LIMS2: variants seen among roughly 807,000 people sequenced by gnomAD.
LIMS2 encodes LIM and senescent cell antigen-like-containing domain protein 2.
LIMS2 carries 30 observed loss-of-function variants against 45.3 expected under a neutral mutation model. The observed-to-expected ratio is 0.66, with a 90% confidence interval of 0.50 to 0.90. LIMS2 has a LOEUF of 0.90. Ranked by LOEUF, LIMS2 falls within the 40% of genes least tolerant of loss-of-function variation. LIMS2 has a pLI of 0.00. For synonymous variants in LIMS2, 173 were observed against 188.0 expected (o/e 0.92, Z 0.65); for missense variants, 485 against 468.7 (o/e 1.03, Z -0.32).
chr2:127,641,824 C>T, intron 6 of LIMS2: 1 of 503,514 alleles, frequency 2.0e-6, no homozygotes, highest in Non-Finnish European at 3.6e-6. Flanking sequence ...GAGAGGTGGG[C>T]ACAGCTACCC....
chr2:127,652,028 A>C (rs1211432780), intron 4 of LIMS2: 1 of 517,014 alleles, frequency 1.9e-6, no homozygotes, highest in Non-Finnish European at 3.5e-6. Context: ...GGAGGCCGGA[A>C]GAACAACCCC....
chr2:127,651,036 G>T (rs761740698), intron 4 of LIMS2: 17 of 1,613,812 alleles, frequency 1.1e-5, no homozygotes, highest in Non-Finnish European at 1.4e-5. Flanking sequence ...GCCATTTGGG[G>T]AAATCGCATG....
At chr2:127,650,999 G>A (rs144128434) in intron 4 of LIMS2, 8 of 1,613,674 alleles carry the variant, frequency 5.0e-6, no homozygotes, top group Non-Finnish European at 5.9e-6. Flanking sequence ...CCACCCGCCT[G>A]GTCTACCACT....
intron 4 of LIMS2, among the ~76,000 whole-genome samples, chr2:127,649,564 C>G (rs984843230): frequency 1.3e-5 from 2 of 152,234 alleles, no homozygotes; most frequent in African/African-American, 4.8e-5. Flanking sequence ...GGGCTGCGGG[C>G]TGCTCTGGCC....
intron 4 of LIMS2, among the ~76,000 whole-genome samples, chr2:127,648,963 AGGG>A (rs1216405916): frequency 3.2e-4 from 4 of 12,514 alleles, no homozygotes; most frequent in Non-Finnish European, 4.3e-4. Context: ...AGGGGAGGGG[AGGG>A]GGGGAGGGGA....
chr2:127,665,317 T>A (rs10188441), intron 1 of LIMS2, among the ~76,000 whole-genome samples: 2 of 151,982 alleles, frequency 1.3e-5, no homozygotes, highest in Admixed American at 1.3e-4. Context: ...CTGGCAGCCG[T>A]CACTAAAGAC....
At chr2:127,651,538 C>A (rs1214831447) in intron 4 of LIMS2, 2 of 1,612,600 alleles carry the variant, frequency 1.2e-6, no homozygotes, top group East Asian at 4.5e-5. Context: ...CATGGGGCCT[C>A]CTGCGCCACC....
chr2:127,678,442 T>C (rs532674826), upstream of LIMS2, among the ~76,000 whole-genome samples: 116 of 152,284 alleles, frequency 7.6e-4, 1 homozygote, highest in African/African-American at 2.6e-3. The surrounding 1 kb of genome is among the most constrained non-coding windows in gnomAD (Gnocchi z 5.3). Flanking sequence ...AAGGGGGAAG[T>C]GTCCCTAGCT....
At position 127,647,651 on chromosome 2, in the gene LIMS2, C is replaced by A. The variant is rs1683142497; in HGVS notation, c.360-4579G>T. Among the ~76,000 whole-genome samples, 1 of 152,052 alleles carries A rather than the reference C, an allele frequency of 6.6e-6. No homozygotes were observed. On this transcript the variant is annotated intron_variant, in intron 4 of 9. Coordinates refer to ENST00000355119, the MANE Select transcript of LIMS2 (RefSeq NM_001161403.3). This position sits in a 1 kb window ranked among gnomAD's most constrained non-coding sequence, Gnocchi z 4.3. ...TAACAAGGGCCCCTCACTCACTGGG[C>A]CCCCTCTCCTCTTCCAGTCTCCAGG... is the stretch of plus-strand genomic sequence containing the variant.
In LIMS2 at chr2:127,675,184, G is replaced by A. The variant is rs1237831041; in HGVS notation, c.-160C>T. On this transcript the variant is annotated 5_prime_UTR_variant, in exon 1 of 10. Coordinates refer to ENST00000355119, the MANE Select transcript of LIMS2 (RefSeq NM_001161403.3). ...CTCCGCCCGCGAGAGGGGTGGGCGG[G>A]GGTGGCAGGGTGGGGCCCGCGGGGC... 1 of 502,438 alleles carries A rather than the reference G, an allele frequency of 2.0e-6. No homozygotes were observed. The highest frequency in any genetic ancestry group is 2.0e-5 in the African/African-American group (1 of 49,902). 31.1% of individuals were successfully genotyped at this position (502,438 alleles called of 1,614,324 possible). A position where few individuals can be genotyped will look rare whatever the true frequency, so the allele number is the denominator to read the frequency against.
intron 2 of LIMS2, chr2:127,655,196 G>A (rs544566215): frequency 5.8e-6 from 3 of 516,646 alleles, no homozygotes; most frequent in African/African-American, 3.8e-5. Context: ...AACAGGCTGG[G>A]GGCGAGGCGG....
chr2:127,643,408 T>C, intron 4 of LIMS2: 1 of 472,350 alleles, frequency 2.1e-6, no homozygotes, highest in Non-Finnish European at 4.2e-6. Flanking sequence ...AGCATTATTT[T>C]CCCAATGTAT....
chr2:127,648,892 C>G (rs563154308), intron 4 of LIMS2, among the ~76,000 whole-genome samples: 3 of 145,746 alleles, frequency 2.1e-5, no homozygotes, highest in Non-Finnish European at 3.0e-5. Flanking sequence ...GCACTCCAGC[C>G]TGGGTGACAG....
intron 1 of LIMS2, among the ~76,000 whole-genome samples, chr2:127,662,942 T>C (rs558645480): frequency 1.3e-5 from 2 of 152,364 alleles, no homozygotes; most frequent in African/African-American, 4.8e-5. Flanking sequence ...CTCTTTGCTC[T>C]AGTGGCTTTT....
rs2105344148 is a variant in LIMS2, at chr2:127,671,726, G to A, written c.11+3288C>T. On this transcript the variant is annotated intron_variant, in intron 1 of 9. Transcript: ENST00000355119. The surrounding 1 kb of genome is among the most constrained non-coding windows in gnomAD (Gnocchi z 4.1). ...CTGGCCGGCTAGAAGGGGCCAGTCA[G>A]CACCAGAAGTAGAAGAAAAAGGAAG... Among the ~76,000 whole-genome samples, 1 of 152,364 alleles carries A rather than the reference G, an allele frequency of 6.6e-6. No individual in the cohort carries two copies. Among genetic ancestry groups the A allele is most frequent in the South Asian group, 2.1e-4 (1 of 4,830 alleles).
chr2:127,662,155 C>A (rs1007522728), intron 1 of LIMS2, among the ~76,000 whole-genome samples: 1 of 152,170 alleles, frequency 6.6e-6, no homozygotes, highest in South Asian at 2.1e-4. Flanking sequence ...CCGACGCCCC[C>A]TGTCTGTGTG....
chr2:127,680,232 C>G (rs542837295), upstream of LIMS2, among the ~76,000 whole-genome samples: 2 of 152,324 alleles, frequency 1.3e-5, no homozygotes, highest in South Asian at 2.1e-4. Flanking sequence ...AGCAGGACAC[C>G]GCCCCTGGCA....
In LIMS2 at chr2:127,642,310, C is replaced by T. The variant is rs1682507645; in HGVS notation, c.510-111G>A. 8.6e-6 allele frequency: 11 copies of T among 1,274,374 alleles called. No individual in the cohort carries two copies. The highest frequency in any genetic ancestry group is 1.1e-5 in the Non-Finnish European group (11 of 959,722). The allele number at this position is 1,274,374 out of a possible 1,614,324, so 78.9% of individuals were successfully genotyped here. A position where few individuals can be genotyped will look rare whatever the true frequency, so the allele number is the denominator to read the frequency against. On this transcript the variant is annotated intron_variant, in intron 5 of 9. Transcript: ENST00000355119. The surrounding 1 kb of genome is among the most constrained non-coding windows in gnomAD (Gnocchi z 5.3). Reference sequence around the variant, plus strand: ...CCCCGAGGGGCCCATTCTGTCCCTGCAGAGCCGAGGCGGCAGCGCCTTCTG... The same window carrying T: ...CCCCGAGGGGCCCATTCTGTCCCTGTAGAGCCGAGGCGGCAGCGCCTTCTG...
chr2:127,657,424 G>A lies in LIMS2; in HGVS notation c.150C>T (p.Phe50=). ...TCACCTCATAGAAGAGCCCCTCGGG[G>A]AAGGGCCGGAAGCACTGGGCACACA... ...CFVCAQCFRP[F]PEGLFYEFEG... Residue 50 remains phenylalanine, a synonymous_variant, in exon 2 of 10, where the codon TTC becomes TTT. Transcript: ENST00000355119. The A allele has an allele frequency of 1.2e-6, 2 of 1,613,902 alleles. No individual in the cohort carries two copies. The highest frequency in any genetic ancestry group is 1.7e-6 in the Non-Finnish European group (2 of 1,180,004).
Sources: gnomAD v4.1 joint callset for allele counts (sites outside exome capture counted in the v4.1 genomes callset) on GRCh38, gnomAD v4.1.1 for gene constraint, Gnocchi (gnomAD v3.1) non-coding constraint, MANE v1.5 for transcripts, NCBI Gene and HGNC (gene_info 2026-07-23, HGNC 2026-07-21) for gene names.